The following ZAN variants were observed in gnomAD, a reference collection of about 807,000 sequenced individuals.
ZAN encodes the protein zonadhesin (gene/pseudogene).
ZAN carries 260 observed loss-of-function variants against 286.2 expected under a neutral mutation model. The observed-to-expected ratio is 0.91, with a 90% CI of 0.82 to 1.01. The LOEUF (loss-of-function observed/expected upper bound fraction) is 1.01. Among genes scored for constraint, ZAN ranks in the 50% least tolerant of loss-of-function variants. The probability of loss-of-function intolerance (pLI) is 0.00; values close to 1 mark genes in which losing one functional copy is unlikely to be tolerated. For synonymous variants in ZAN, 1,368 were observed against 1,417.5 expected (o/e 0.97, Z 0.79); for missense variants, 3,410 against 3,639.2 (o/e 0.94, Z 1.62).
At position 100,760,032 on chromosome 7, in the gene ZAN, A is replaced by G. The variant is rs749309567; in HGVS notation, c.3696+187A>G. Among the ~76,000 whole-genome samples the G allele has an allele frequency of 4.6e-5, 7 of 152,104 alleles. 1 individual carries two copies. Among genetic ancestry groups the G allele is most frequent in the Non-Finnish European group, 8.8e-5 (6 of 68,002 alleles). The stretch of plus-strand genomic sequence containing the variant: ...AGTTTGAAGCCAGCCTGGGCAAGAT[A>G]GCAAGACCCTGTCTCTTAAAAAATA... On this transcript the variant is annotated intron_variant, in intron 18 of 47. Coordinates refer to ENST00000613979, the MANE Select transcript of ZAN (RefSeq NM_003386.3).
At chr7:100,776,072 G>A (rs1352655786) in intron 33 of ZAN, among the ~76,000 whole-genome samples, 2 of 152,028 alleles carry the variant, frequency 1.3e-5, no homozygotes, top group African/African-American at 4.8e-5. Context: ...TCAGCACTCT[G>A]GGAGGCCGAG....
intron 34 of ZAN, among the ~76,000 whole-genome samples, chr7:100,777,815 C>T (rs935791874): frequency 6.0e-5 from 9 of 150,904 alleles, no homozygotes; most frequent in Non-Finnish European, 1.5e-5. Context: ...TGGTCTCAAA[C>T]TCCTGGGCTC....
chr7:100,782,330 GC>G (rs1275849774), intron 35 of ZAN, among the ~76,000 whole-genome samples: 1 of 151,756 alleles, frequency 6.6e-6, no homozygotes, highest in African/African-American at 2.4e-5. Context: ...CTGATTCTTT[GC>G]TCTAGAAATT....
chr7:100,767,420 G>C (rs1474569652), intron 25 of ZAN, among the ~76,000 whole-genome samples, 163 bp downstream of exon 25: 1 of 145,062 alleles, frequency 6.9e-6, no homozygotes, highest in Non-Finnish European at 1.5e-5. Context: ...TCCTCCCTCT[G>C]TGAAATACCC....
chr7:100,767,011 T>G lies in ZAN; in HGVS notation c.4614T>G (p.Gly1538=), dbSNP rs776459807. 56 of 1,613,586 alleles carry G rather than the reference T, an allele frequency of 3.5e-5. No homozygotes were observed. The highest frequency in any genetic ancestry group is 4.6e-5 in the Non-Finnish European group (54 of 1,179,786). ...TGAACTCCATCTTCTTCTCCACAGG[T>G]GCCGCCACCTGCACAGCCTCGGGTG... is the stretch of plus-strand genomic sequence containing the variant. ...QDGIYGCHAQ[G]AATCTASGDP... The change falls in exon 25 of 48, where the codon GGT becomes GGG. Residue 1538 remains glycine (G), a splice_region_variant and synonymous_variant. Transcript: ENST00000613979.
intron 22 of ZAN, 63 bp from the exon 23 acceptor site, chr7:100,765,289 T>C (rs1446562410): frequency 2.6e-6 from 4 of 1,565,590 alleles, no homozygotes; most frequent in African/African-American, 1.4e-5. Context: ...GTGTCCTTCC[T>C]GTTTCCCACC....
chr7:100,787,655 G>A (rs898734784), intron 37 of ZAN, among the ~76,000 whole-genome samples: 8 of 152,106 alleles, frequency 5.3e-5, no homozygotes, highest in Admixed American at 1.3e-4. Context: ...TCTGCCTCCC[G>A]GGTTCAAGCA....
At chr7:100,783,787 C>CACATATAT (rs1182700250) in intron 35 of ZAN, among the ~76,000 whole-genome samples, 3 of 11,032 alleles carry the variant, frequency 2.7e-4, no homozygotes, top group Non-Finnish European at 5.5e-4. Flanking sequence ...TATATATACA[C>CACATATAT]ATATATATAT....
intron 7 of ZAN, 79 bp downstream of exon 7, chr7:100,738,692 C>T: frequency 7.4e-7 from 1 of 1,354,168 alleles, no homozygotes; most frequent in East Asian, 2.4e-5. Flanking sequence ...GACGGTCTGT[C>T]ATGAACACCT....
intron 11 of ZAN, among the ~76,000 whole-genome samples, chr7:100,749,631 C>A (rs1808485412): frequency 8.1e-6 from 1 of 123,900 alleles, no homozygotes; most frequent in East Asian, 2.2e-4. Flanking sequence ...CAGAGTGAGA[C>A]TCCGTCTCAA....
At chr7:100,770,059 A>C in intron 28 of ZAN, 85 bp downstream of exon 28, 1 of 1,328,906 alleles carries the variant, frequency 7.5e-7, no homozygotes, top group Non-Finnish European at 1.0e-6. Flanking sequence ...GAGAAACAAC[A>C]AGACCAGAAA....
At chr7:100,771,771 C>T in intron 28 of ZAN, 73 bp from the exon 29 acceptor site, 1 of 1,487,728 alleles carries the variant, frequency 6.7e-7, no homozygotes. Context: ...GTCGAATCAG[C>T]CCCAGGGAAG....
intron 41 of ZAN, 39 bp downstream of exon 41, chr7:100,792,187 TGCCTGCTCTGGTCTTTCCCTGGG>T (rs774187893): frequency 1.3e-6 from 2 of 1,553,584 alleles, no homozygotes; most frequent in Non-Finnish European, 1.7e-6. Context: ...ATGGCCCAGG[TGCCTGCTCTGGTCTTTCCCTGGG>T]GCCTCCTGCC....
chr7:100,764,227 G>C, intron 22 of ZAN, 31 bp downstream of exon 22: 8 of 1,482,992 alleles, frequency 5.4e-6, no homozygotes, highest in Non-Finnish European at 7.2e-6. Flanking sequence ...AGGAGAGGCC[G>C]GGCACGGTGG....
chr7:100,777,567 G>C (rs568128667), intron 34 of ZAN, among the ~76,000 whole-genome samples: 1 of 151,940 alleles, frequency 6.6e-6, no homozygotes, highest in African/African-American at 2.4e-5. Flanking sequence ...TCATCATGTT[G>C]GTCAGGCTGG....
chr7:100,762,419 CTTTTTTTT>C (rs869138443), intron 20 of ZAN, 61 bp downstream of exon 20: 145 of 1,019,110 alleles, frequency 1.4e-4, no homozygotes, highest in East Asian at 4.2e-4. Context: ...CTGGAACTCT[CTTTTTTTT>C]TTTTTTTTTT....
In ZAN at chr7:100,758,776, G is replaced by C. The variant is rs1321206324; in HGVS notation, c.3571+126G>C. 5.6e-6 allele frequency: 8 copies of C among 1,437,768 alleles called. No homozygotes were observed. In the Admixed American group the frequency reaches 1.7e-4, roughly 31 times the overall value. 89.1% of individuals were successfully genotyped at this position (1,437,768 alleles called of 1,614,324 possible). A position where few individuals can be genotyped will look rare whatever the true frequency, so the allele number is the denominator to read the frequency against. The stretch of plus-strand genomic sequence containing the variant: ...GGGGGAAGAGGCAAGATAGGAGCAA[G>C]TTCTTCTGTAAGGTGAGGGTTGAAG... On this transcript the variant is annotated intron_variant, in intron 17 of 47. Transcript: ENST00000613979.
chr7:100,769,039 G>A (rs531772600), intron 27 of ZAN, among the ~76,000 whole-genome samples: 2 of 152,098 alleles, frequency 1.3e-5, no homozygotes, highest in East Asian at 3.9e-4. Flanking sequence ...TGAGGGCACC[G>A]TTTTGTCCTC....
chr7:100,753,299 G>C (rs967932312), intron 14 of ZAN, 70 bp downstream of exon 14: 3 of 1,476,476 alleles, frequency 2.0e-6, no homozygotes, highest in East Asian at 2.3e-5. Flanking sequence ...GTCAGGGAAA[G>C]GGATGCTTCT....
Sources: allele counts gnomAD v4.1 joint callset (sites outside exome capture counted in the v4.1 genomes callset), GRCh38; gene constraint gnomAD v4.1.1; transcripts MANE v1.5; gene names NCBI Gene and HGNC (gene_info 2026-07-23, HGNC 2026-07-21).